DMRT1: variants seen among roughly 807,000 people sequenced by gnomAD.
The protein encoded by DMRT1 is doublesex- and mab-3-related transcription factor 1.
Under a neutral mutation model 32.3 loss-of-function variants are expected in DMRT1, and 7 were observed. The observed-to-expected ratio is 0.22, with a 90% CI of 0.12 to 0.41. The LOEUF (loss-of-function observed/expected upper bound fraction) is 0.41. Among genes scored for constraint, DMRT1 ranks in the 10% least tolerant of loss-of-function variants. The probability of loss-of-function intolerance (pLI) is 1.00; values close to 1 mark genes in which losing one functional copy is unlikely to be tolerated. For missense variants in DMRT1, 625 were observed against 500.5 expected (o/e 1.25, Z -2.37); for synonymous variants, 278 against 206.1 (o/e 1.35, Z -2.99).
rs549512890 is a variant in DMRT1 at position 852,819 on chromosome 9, G to T, written c.538+5676G>T. 2.1e-4 allele frequency among the ~76,000 whole-genome samples: 32 copies of T among 152,224 alleles called. No homozygotes were observed. The East Asian group carries it at 6.0e-3, about 28-fold the overall frequency. On this transcript the variant is annotated intron_variant, in intron 2 of 4. Coordinates refer to ENST00000382276, the MANE Select transcript of DMRT1 (RefSeq NM_021951.3). ...GCCCAGTTTCAGTCACCTTTCCCCT[G>T]TTAGAAGGATCAGTCAGGTCTGTGT...
chr9:956,482 T>C (rs528535293), intron 4 of DMRT1, among the ~76,000 whole-genome samples: 1 of 151,566 alleles, frequency 6.6e-6, no homozygotes, highest in Non-Finnish European at 1.5e-5. Flanking sequence ...GAGGATCACC[T>C]GAGCCCAGAA....
At chr9:870,402 A>AC (rs1369322077) in intron 2 of DMRT1, among the ~76,000 whole-genome samples, 11 of 138,972 alleles carry the variant, frequency 7.9e-5, no homozygotes, top group African/African-American at 2.7e-4. Context: ...TCTGTCTCAA[A>AC]AAACAACAAC....
At chr9:915,801 C>T (rs532975452) in intron 3 of DMRT1, among the ~76,000 whole-genome samples, 3 of 151,450 alleles carry the variant, frequency 2.0e-5, no homozygotes, top group East Asian at 3.9e-4. Flanking sequence ...GGCGCGATCT[C>T]GGCTCAGTAC....
intron 2 of DMRT1, among the ~76,000 whole-genome samples, chr9:882,361 C>G (rs1340575600): frequency 6.6e-6 from 1 of 152,178 alleles, no homozygotes; most frequent in Non-Finnish European, 1.5e-5. Context: ...CTTAACCTTA[C>G]TTGTGCCTCG....
intron 2 of DMRT1, among the ~76,000 whole-genome samples, chr9:855,279 C>T (rs1045446469): frequency 3.8e-5 from 5 of 130,506 alleles, no homozygotes; most frequent in African/African-American, 1.4e-4. Context: ...TAGAAAACAT[C>T]TAGAGCCAGG....
intron 4 of DMRT1, among the ~76,000 whole-genome samples, chr9:948,579 T>C (rs1006545895): frequency 6.6e-6 from 1 of 151,490 alleles, no homozygotes; most frequent in Non-Finnish European, 1.5e-5. Context: ...TGCGCTCTGC[T>C]GTGTTGGGGC....
chr9:957,575 G>A (rs1819639321), intron 4 of DMRT1, among the ~76,000 whole-genome samples: 1 of 152,096 alleles, frequency 6.6e-6, no homozygotes, highest in Non-Finnish European at 1.5e-5. Context: ...ATATTTAGGT[G>A]GTAAAATAAC....
chr9:966,539 G>T (rs1430058908), intron 4 of DMRT1, among the ~76,000 whole-genome samples: 1 of 152,014 alleles, frequency 6.6e-6, no homozygotes, highest in African/African-American at 2.4e-5. Context: ...GGATATTGAG[G>T]TAGCTGTACA....
At chr9:936,048 C>T (rs1164702186) in intron 4 of DMRT1, among the ~76,000 whole-genome samples, 1 of 152,196 alleles carries the variant, frequency 6.6e-6, no homozygotes, top group Non-Finnish European at 1.5e-5. Flanking sequence ...TACCCACTAC[C>T]TCATATGTGG....
At chr9:919,673 C>G (rs559345572) in intron 4 of DMRT1, among the ~76,000 whole-genome samples, 16 of 152,196 alleles carry the variant, frequency 1.1e-4, no homozygotes, top group Admixed American at 6.5e-5. Context: ...CTGTCTTGTG[C>G]TTTTAAATGA....
intron 2 of DMRT1, among the ~76,000 whole-genome samples, chr9:861,050 C>CTTT (rs140608243): frequency 2.3e-4 from 28 of 121,340 alleles, no homozygotes; most frequent in Non-Finnish European, 3.3e-4. Context: ...AATTTACTTT[C>CTTT]TTTTTTTTTT....
chr9:902,900 A>G (rs536189352), intron 3 of DMRT1, among the ~76,000 whole-genome samples: 1 of 152,098 alleles, frequency 6.6e-6, no homozygotes, highest in East Asian at 1.9e-4. Flanking sequence ...CATGGTGAGG[A>G]TGTAATGATT....
rs143888153 is a variant in DMRT1 at position 936,722 on chromosome 9, C to G, written c.967+19815C>G. Reference sequence around the variant, plus strand: ...TGAGCCGAGATCACACCATTGCACTCCAGCCTGGGCAACAGAGCAAAACTT... The same window carrying G: ...TGAGCCGAGATCACACCATTGCACTGCAGCCTGGGCAACAGAGCAAAACTT... On this transcript the variant is annotated intron_variant, in intron 4 of 4. Coordinates refer to ENST00000382276, the MANE Select transcript of DMRT1 (RefSeq NM_021951.3). Among the ~76,000 whole-genome samples, 721 of 149,700 alleles carry G rather than the reference C, an allele frequency of 4.8e-3. 3 individuals carry two copies. Among genetic ancestry groups the G allele is most frequent in the African/African-American group, 0.017 (681 of 40,042 alleles).
intron 4 of DMRT1, 109 bp downstream of exon 4, chr9:917,016 T>G (rs563698550): frequency 3.9e-5 from 48 of 1,229,836 alleles, no homozygotes; most frequent in African/African-American, 7.5e-5. Context: ...TGTTGGAAAT[T>G]TTATTGCTGT....
intron 2 of DMRT1, among the ~76,000 whole-genome samples, chr9:851,086 G>T (rs1047224648): frequency 6.6e-6 from 1 of 151,052 alleles, no homozygotes; most frequent in Non-Finnish European, 1.5e-5. Flanking sequence ...TTGAAGTTAT[G>T]CAGTGAGAGG....
At position 848,772 on chromosome 9, in the gene DMRT1, C is replaced by G. The variant is rs529798555; in HGVS notation, c.538+1629C>G. ...GTTTCACCATGTTGGCCAGGCTGGC[C>G]TTGAACTTCTGACCTCAAGTGATCC... On this transcript the variant is annotated intron_variant, in intron 2 of 4. Transcript: ENST00000382276. 5.5e-3 allele frequency among the ~76,000 whole-genome samples: 813 copies of G among 148,660 alleles called. 6 individuals are homozygous for G. The highest frequency in any genetic ancestry group is 9.4e-3 in the Non-Finnish European group (635 of 67,310).
chr9:861,263 A>G (rs896323329), intron 2 of DMRT1, among the ~76,000 whole-genome samples: 3 of 151,804 alleles, frequency 2.0e-5, no homozygotes, highest in Admixed American at 1.3e-4. Context: ...GGGAGTGGTG[A>G]TGACTCTTAA....
At chr9:856,279 A>T (rs923261000) in intron 2 of DMRT1, among the ~76,000 whole-genome samples, 1 of 152,304 alleles carries the variant, frequency 6.6e-6, no homozygotes, top group Admixed American at 6.5e-5. Flanking sequence ...GATGTAATTC[A>T]TATACCAGGT....
At chr9:890,083 G>GGGTTTTTTTTTTTTT (rs1273507545) in intron 2 of DMRT1, among the ~76,000 whole-genome samples, 5 of 108,884 alleles carry the variant, frequency 4.6e-5, no homozygotes, top group African/African-American at 1.3e-4. Flanking sequence ...GCCACCAAAC[G>GGGTTTTTTTTTTTTT]TGTTTTTTTT....
Sources: allele counts gnomAD v4.1 joint callset (sites outside exome capture counted in the v4.1 genomes callset), GRCh38; gene constraint gnomAD v4.1.1; transcripts MANE v1.5; gene names NCBI Gene and HGNC (gene_info 2026-07-23, HGNC 2026-07-21).